Variants in MALRD1 observed in about 807,000 individuals in gnomAD.
The protein encoded by MALRD1 is MAM and LDL-receptor class A domain-containing protein 1.
Under a neutral mutation model 242.1 loss-of-function variants are expected in MALRD1, and 247 were observed. The observed-to-expected ratio is 1.02, with a 90% CI of 0.92 to 1.13. The LOEUF is 1.13. Among genes scored for constraint, MALRD1 ranks in the 50% most tolerant of loss-of-function variants. MALRD1 has a pLI of 0.00. For synonymous variants in MALRD1, 995 were observed against 866.6 expected, an observed-to-expected ratio of 1.15 and a Z score of -2.60; for missense variants, 2,989 against 2,533.1, an observed-to-expected ratio of 1.18 and a Z score of -3.86.
intron 31 of MALRD1, among the ~76,000 whole-genome samples, chr10:19,500,172 T>C (rs1463134335): frequency 6.6e-6 from 1 of 152,172 alleles, no homozygotes; most frequent in Non-Finnish European, 1.5e-5. Context: ...TTTGGAATTG[T>C]CACCAGCTCT....
At position 19,066,788 on chromosome 10, in the gene MALRD1, C is replaced by T. The variant is rs114715254; in HGVS notation, c.269C>T (p.Pro90Leu). The change falls in exon 2 of 40, where the codon CCT becomes CTT. Residue 90 changes from proline (P) to leucine (L), a missense_variant. Transcript: ENST00000454679. ...CHMTQDQSLQ[P>L]SWTKRSGMIG... The stretch of plus-strand genomic sequence containing the variant: ...ATGACTCAAGATCAGAGTCTGCAAC[C>T]TAGTTGGACAAAGAGAAGTGGGATG... The T allele has an allele frequency of 5.5e-4, 681 of 1,233,588 alleles. 3 individuals are homozygous for T. The African/African-American group carries it at 9.8e-3, about 18-fold the overall frequency. The allele number at this position is 1,233,588 out of a possible 1,614,324, so 76.4% of individuals were successfully genotyped here. A position where few individuals can be genotyped will look rare whatever the true frequency, so the allele number is the denominator to read the frequency against.
intron 32 of MALRD1, among the ~76,000 whole-genome samples, chr10:19,549,687 C>T (rs943028707): frequency 6.6e-6 from 1 of 152,174 alleles, no homozygotes; most frequent in Non-Finnish European, 1.5e-5. Flanking sequence ...TTTTATGACT[C>T]ATGTTATTGC....
chr10:19,127,352 GC>G (rs1432560088), intron 7 of MALRD1, among the ~76,000 whole-genome samples: 2 of 152,120 alleles, frequency 1.3e-5, no homozygotes, highest in African/African-American at 4.8e-5. Flanking sequence ...AATAGTGTAA[GC>G]TTTTACATTA....
chr10:19,252,859 A>G (rs1388132105), intron 18 of MALRD1, among the ~76,000 whole-genome samples: 3 of 152,028 alleles, frequency 2.0e-5, no homozygotes, highest in Non-Finnish European at 4.4e-5. Context: ...GTTTTATTTC[A>G]TAGAGATTGG....
chr10:19,381,287 A>C, intron 26 of MALRD1, among the ~76,000 whole-genome samples: 1 of 150,806 alleles, frequency 6.6e-6, no homozygotes, highest in African/African-American at 2.4e-5. Flanking sequence ...TATGTGCCAC[A>C]TTTTCTTAAT....
chr10:19,420,670 C>T (rs922833925), intron 28 of MALRD1, among the ~76,000 whole-genome samples: 9 of 151,924 alleles, frequency 5.9e-5, no homozygotes, highest in African/African-American at 1.9e-4. Flanking sequence ...GTCTTTTGTG[C>T]ACATACCCTC....
chr10:19,344,151 A>G (rs1006638199), intron 24 of MALRD1, among the ~76,000 whole-genome samples: 1 of 152,086 alleles, frequency 6.6e-6, no homozygotes, highest in African/African-American at 2.4e-5. Context: ...GAGCAAACAT[A>G]TTTAATGTTG....
intron 31 of MALRD1, among the ~76,000 whole-genome samples, chr10:19,506,396 G>A (rs1564398717): frequency 6.6e-6 from 1 of 152,034 alleles, no homozygotes; most frequent in Admixed American, 6.6e-5. Flanking sequence ...ACTGTGACTG[G>A]GTTTATTATC....
intron 5 of MALRD1, among the ~76,000 whole-genome samples, chr10:19,105,739 A>G (rs566628003): frequency 6.6e-6 from 1 of 152,014 alleles, no homozygotes; most frequent in Non-Finnish European, 1.5e-5. Context: ...GTATGAGATG[A>G]TATCACATTG....
chr10:19,327,533 C>T, intron 22 of MALRD1, 30 bp from the exon 23 acceptor site: 3 of 1,490,990 alleles, frequency 2.0e-6, no homozygotes, highest in Non-Finnish European at 2.7e-6. Flanking sequence ...TAAAATACTT[C>T]AGTGCCTTTT....
At chr10:19,422,758 T>G (rs1039610999) in intron 28 of MALRD1, among the ~76,000 whole-genome samples, 2 of 152,184 alleles carry the variant, frequency 1.3e-5, no homozygotes, top group African/African-American at 2.4e-5. Context: ...CATTTCCCCC[T>G]CAATGGGGAA....
chr10:19,393,600 C>A (rs919630650), intron 28 of MALRD1, among the ~76,000 whole-genome samples: 1 of 150,326 alleles, frequency 6.7e-6, no homozygotes, highest in Admixed American at 6.6e-5. Context: ...CGCCGGCCAC[C>A]ACGCCTGGCT....
intron 24 of MALRD1, among the ~76,000 whole-genome samples, chr10:19,335,153 T>G (rs1407564085): frequency 6.6e-6 from 1 of 151,564 alleles, no homozygotes; most frequent in Non-Finnish European, 1.5e-5. Flanking sequence ...AGGTGCTTTT[T>G]GGTGAATGAT....
chr10:19,101,726 A>C (rs1836265483), intron 4 of MALRD1, among the ~76,000 whole-genome samples: 1 of 135,682 alleles, frequency 7.4e-6, no homozygotes, highest in African/African-American at 2.7e-5. Context: ...ATTCTATAAT[A>C]TATACATTAT....
chr10:19,256,342 A>G lies in MALRD1; in HGVS notation c.2992-1342A>G, dbSNP rs184145172. Among the ~76,000 whole-genome samples, 6 of 152,206 alleles carry G rather than the reference A, an allele frequency of 3.9e-5. No homozygotes were observed. The East Asian group carries it at 1.2e-3, about 29-fold the overall frequency. On this transcript the variant is annotated intron_variant, in intron 18 of 39. Coordinates refer to ENST00000454679, the MANE Select transcript of MALRD1 (RefSeq NM_001142308.3). ...AAAACAGAATACGTTTTTCTGTAGT[A>G]TGTTCTTTCAAATTCTGTCTGCTAG...
chr10:19,308,631 G>A (rs1473231549), intron 21 of MALRD1, among the ~76,000 whole-genome samples: 1 of 151,432 alleles, frequency 6.6e-6, no homozygotes, highest in Non-Finnish European at 1.5e-5. Flanking sequence ...CTTGTCCCCA[G>A]GTAGAGTTTA....
At chr10:19,343,008 A>G (rs1409842621) in intron 24 of MALRD1, among the ~76,000 whole-genome samples, 1 of 152,144 alleles carries the variant, frequency 6.6e-6, no homozygotes, top group Non-Finnish European at 1.5e-5. Context: ...TGAATTTTCA[A>G]AAGGTTGATG....
chr10:19,384,460 A>G (rs1471881011), intron 26 of MALRD1, among the ~76,000 whole-genome samples: 2 of 116,280 alleles, frequency 1.7e-5, no homozygotes, highest in Admixed American at 1.1e-4. Flanking sequence ...TATATAATAT[A>G]ATATATACTA....
At chr10:19,124,414 C>A in intron 6 of MALRD1, 110 bp from the exon 7 acceptor site, 1 of 914,422 alleles carries the variant, frequency 1.1e-6, no homozygotes, top group Non-Finnish European at 1.4e-6. Flanking sequence ...TTAGTGTGTG[C>A]TGATGTGTAT....
Sources: allele counts gnomAD v4.1 joint callset (sites outside exome capture counted in the v4.1 genomes callset), GRCh38; gene constraint gnomAD v4.1.1; transcripts MANE v1.5; gene names NCBI Gene and HGNC (gene_info 2026-07-23, HGNC 2026-07-21).